Variants in VIPR2 observed in about 807,000 individuals in gnomAD.
VIPR2 encodes vasoactive intestinal peptide receptor 2, also known as vasoactive intestinal polypeptide receptor 2.
A neutral mutation model predicts 58.0 loss-of-function variants in VIPR2; 48 were observed. That is an observed-to-expected ratio of 0.83 (90% CI 0.66 to 1.05). The LOEUF (loss-of-function observed/expected upper bound fraction) is 1.05. VIPR2 is among the 50% of genes least tolerant of loss of function. The pLI, the probability that VIPR2 is intolerant of heterozygous loss-of-function variation, is 0.00. For missense variants in VIPR2, 534 were observed against 558.0 expected (o/e 0.96, Z 0.43); for synonymous variants, 243 against 235.2 (o/e 1.03, Z -0.30).
rs1585315344 is a variant in VIPR2 at position 159,030,450 on chromosome 7, C to T, written c.*166G>A. 6 of 726,968 alleles carry T rather than the reference C, an allele frequency of 8.3e-6. No homozygotes were observed. In the East Asian group the frequency reaches 1.9e-4, roughly 23 times the overall value. The allele number at this position is 726,968 out of a possible 1,614,324, so 45.0% of individuals were successfully genotyped here. On this transcript the variant is annotated 3_prime_UTR_variant, in exon 13 of 13. Transcript: ENST00000262178. The stretch of plus-strand genomic sequence containing the variant: ...AATCGAGTCAATGACAACACGACTC[C>T]AATTCCAGGTATGGGGTTTAGTGGA...
chr7:159,113,409 G>T (rs1796117299), intron 2 of VIPR2, among the ~76,000 whole-genome samples: 1 of 151,988 alleles, frequency 6.6e-6, no homozygotes, highest in Non-Finnish European at 1.5e-5. Flanking sequence ...CCTTAAAAGG[G>T]ACAAAAATTG....
In VIPR2 at chr7:159,036,781, C is replaced by T. The variant is rs1481659587; in HGVS notation, c.719G>A (p.Cys240Tyr). ...LLVAMLPPRR[C>Y]FLAYLLIGWG... ...TCCGATCAGGAGGTAGGCCAGGAAGCACCTTCTAGGGGGGAGCATGGCCAC... is the reference window on the plus strand; with the variant it reads ...TCCGATCAGGAGGTAGGCCAGGAAGTACCTTCTAGGGGGGAGCATGGCCAC... Residue 240 changes from cysteine (C) to tyrosine (Y), a missense_variant, in exon 7 of 13, where the codon TGC becomes TAC. Cys to Tyr is a radical substitution (Grantham distance 194). Transcript: ENST00000262178. 1.2e-6 allele frequency: 2 copies of T among 1,613,684 alleles called. No homozygotes were observed. Among genetic ancestry groups the T allele is most frequent in the Non-Finnish European group, 1.7e-6 (2 of 1,179,878 alleles).
At chr7:159,104,118 G>A (rs1056380631) in intron 3 of VIPR2, among the ~76,000 whole-genome samples, 1 of 152,214 alleles carries the variant, frequency 6.6e-6, no homozygotes, top group Non-Finnish European at 1.5e-5. Context: ...AACTGTAAGT[G>A]TAGTTCTTTT....
chr7:159,069,206 C>A (rs564206191), intron 4 of VIPR2, among the ~76,000 whole-genome samples: 2 of 152,168 alleles, frequency 1.3e-5, no homozygotes, highest in Non-Finnish European at 2.9e-5. Flanking sequence ...CTCATGGGGG[C>A]CTTTCTCCCT....
At chr7:159,114,964 T>C (rs1002306001) in intron 2 of VIPR2, among the ~76,000 whole-genome samples, 1 of 152,144 alleles carries the variant, frequency 6.6e-6, no homozygotes, top group Non-Finnish European at 1.5e-5. Flanking sequence ...CAACAATGTG[T>C]CATAAGTTGC....
intron 4 of VIPR2, among the ~76,000 whole-genome samples, chr7:159,081,114 CTACTT>C (rs1325143275): frequency 6.6e-6 from 1 of 152,170 alleles, no homozygotes; most frequent in Non-Finnish European, 1.5e-5. Flanking sequence ...TTGGAAAAAA[CTACTT>C]TAAAGTTCAT....
chr7:159,061,237 A>C (rs549531744), intron 4 of VIPR2, among the ~76,000 whole-genome samples: 38 of 152,012 alleles, frequency 2.5e-4, no homozygotes, highest in Admixed American at 4.6e-4. Flanking sequence ...ACTGTTGGGT[A>C]CTATGCTCTG....
At chr7:159,054,053 C>T (rs141506768) in intron 5 of VIPR2, among the ~76,000 whole-genome samples, 2,198 of 152,198 alleles carry the variant, frequency 0.014, 55 homozygotes, top group African/African-American at 0.05. Flanking sequence ...GGAGCAGAAC[C>T]GGGACTCGAG....
chr7:159,031,708 C>T lies in VIPR2; in HGVS notation c.1143+120G>A, dbSNP rs1222534089. On this transcript the variant is annotated intron_variant, in intron 12 of 12. Coordinates refer to ENST00000262178, the MANE Select transcript of VIPR2 (RefSeq NM_003382.5). The surrounding 1 kb of genome is among the most constrained non-coding windows in gnomAD (Gnocchi z 4.0). ...ATGGGGACACAGAACTGTGGGGTCC[C>T]GGGCAGTAACTCGAGCCCGCGGAAG... 7 of 1,565,880 alleles carry T rather than the reference C, an allele frequency of 4.5e-6. No homozygotes were observed. The highest frequency in any genetic ancestry group is 2.3e-5 in the East Asian group (1 of 43,996).
At chr7:159,132,955 C>T (rs10275889) in intron 2 of VIPR2, among the ~76,000 whole-genome samples, 3,222 of 23,910 alleles carry the variant, frequency 0.13, 152 homozygotes, top group Admixed American at 0.21. Context: ...AGATTGATTT[C>T]AGACAGAATG....
In VIPR2 at chr7:159,098,059, G is replaced by A. The variant is rs1196366665; in HGVS notation, c.357+5698C>T. 5.9e-5 allele frequency among the ~76,000 whole-genome samples: 9 copies of A among 152,194 alleles called. No homozygotes were observed. Among genetic ancestry groups the A allele is most frequent in the Admixed American group, 2.6e-4 (4 of 15,282 alleles). ...GCCTCTTGGAAGCCTGAGCCCTGCC[G>A]GGGCAAGCGGAATCCCCAGCCTCAC... On this transcript the variant is annotated intron_variant, in intron 4 of 12. Coordinates refer to ENST00000262178, the MANE Select transcript of VIPR2 (RefSeq NM_003382.5). This position sits in a 1 kb window ranked among gnomAD's most constrained non-coding sequence, Gnocchi z 5.2.
At chr7:159,118,646 A>T (rs1039548285) in intron 2 of VIPR2, among the ~76,000 whole-genome samples, 1 of 152,264 alleles carries the variant, frequency 6.6e-6, no homozygotes, top group Non-Finnish European at 1.5e-5. Context: ...TCCAGCCCAG[A>T]CAGAGATGCA....
chr7:159,048,993 TTTTTA>T (rs775044701), intron 5 of VIPR2, among the ~76,000 whole-genome samples: 8 of 152,130 alleles, frequency 5.3e-5, no homozygotes, highest in Non-Finnish European at 8.8e-5. Flanking sequence ...TTGAACCTTA[TTTTTA>T]TTTTTTCTAT....
chr7:159,092,868 T>C (rs528705495), intron 4 of VIPR2, among the ~76,000 whole-genome samples: 3 of 152,224 alleles, frequency 2.0e-5, no homozygotes, highest in Admixed American at 1.3e-4. Flanking sequence ...GGGTGTCTCA[T>C]GGGCCTGGTG....
rs185794510 is a variant in VIPR2 at position 159,140,476 on chromosome 7, C to T, written c.151+1970G>A. 8.8e-4 allele frequency among the ~76,000 whole-genome samples: 134 copies of T among 152,342 alleles called. 4 individuals carry two copies. The East Asian group carries it at 0.025, about 28-fold the overall frequency. On this transcript the variant is annotated intron_variant, in intron 2 of 12. Transcript: ENST00000262178. ...CAAAAGAGTGGCCAGGCTGAGGCCCCGGCATGCTGCTGCTTCTCTCCTGAA... is the reference window on the plus strand; with the variant it reads ...CAAAAGAGTGGCCAGGCTGAGGCCCTGGCATGCTGCTGCTTCTCTCCTGAA...
chr7:159,043,327 G>T, intron 5 of VIPR2, 151 bp from the exon 6 acceptor site: 1 of 652,706 alleles, frequency 1.5e-6, no homozygotes, highest in South Asian at 4.8e-5. Flanking sequence ...ACCATGAATG[G>T]CAACTGCAAT....
chr7:159,039,897 G>T (rs530158944), intron 6 of VIPR2, among the ~76,000 whole-genome samples: 1 of 152,176 alleles, frequency 6.6e-6, no homozygotes, highest in African/African-American at 2.4e-5. Flanking sequence ...TGCAGAGCAG[G>T]CCCCATACCA....
In VIPR2 at chr7:159,031,911, G is replaced by A. The variant is rs1474623482; in HGVS notation, c.1101+27C>T. 1.9e-6 allele frequency: 3 copies of A among 1,614,032 alleles called. No homozygotes were observed. Among genetic ancestry groups the A allele is most frequent in the Non-Finnish European group, 2.5e-6 (3 of 1,180,056 alleles). On this transcript the variant is annotated intron_variant, in intron 11 of 12. Transcript: ENST00000262178. The surrounding 1 kb of genome is among the most constrained non-coding windows in gnomAD (Gnocchi z 4.0). ...TGGTCAGGCAGGACCCGCGCTCGGG[G>A]GAGGGCGGCCGCCTCCGCACACCTA...
In VIPR2 at chr7:159,135,004, GT is replaced by G. The variant is rs747914292; in HGVS notation, c.151+7441del. On this transcript the variant is annotated intron_variant, in intron 2 of 12. Coordinates refer to ENST00000262178, the MANE Select transcript of VIPR2 (RefSeq NM_003382.5). Reference sequence around the variant, plus strand: ...TATTGGTCTTCTCTTAATTACAAAAGTTTTTTTTTTTTTTTTTTTTTTTTTT... The same window carrying G: ...TATTGGTCTTCTCTTAATTACAAAAGTTTTTTTTTTTTTTTTTTTTTTTTT... Among the ~76,000 whole-genome samples, 5 of 65,970 alleles carry G rather than the reference GT, an allele frequency of 7.6e-5. No homozygotes were observed. The South Asian group carries it at 1.7e-3, about 23-fold the overall frequency. 43.3% of individuals were successfully genotyped at this position (65,970 alleles called of 152,430 possible).
Sources: allele counts gnomAD v4.1 joint callset (sites outside exome capture counted in the v4.1 genomes callset), GRCh38; gene constraint gnomAD v4.1.1; non-coding constraint Gnocchi (gnomAD v3.1); transcripts MANE v1.5; gene names NCBI Gene and HGNC (gene_info 2026-07-23, HGNC 2026-07-21).